Variants in CHSY3 observed in about 807,000 individuals in gnomAD.
The protein encoded by CHSY3 is chondroitin sulfate synthase 3.
In CHSY3, 35 loss-of-function variants were observed where a neutral mutation model predicts 67.2. That is an observed-to-expected ratio of 0.52 (90% CI 0.40 to 0.69). The LOEUF is 0.69. Ranked by LOEUF, CHSY3 falls within the 30% of genes least tolerant of loss-of-function variation. CHSY3 has a pLI of 0.00. For synonymous variants in CHSY3, 474 were observed against 434.7 expected (o/e 1.09, Z -1.12); for missense variants, 1,069 against 1,138.5 (o/e 0.94, Z 0.88).
At chr5:130,170,852 C>T (rs1274470203) in intron 2 of CHSY3, among the ~76,000 whole-genome samples, 3 of 150,814 alleles carry the variant, frequency 2.0e-5, no homozygotes, top group African/African-American at 4.9e-5. Flanking sequence ...CTTGTTGAGT[C>T]GTTTGAGTAA....
chr5:129,960,381 G>A (rs1762296547), intron 2 of CHSY3, among the ~76,000 whole-genome samples: 1 of 152,012 alleles, frequency 6.6e-6, no homozygotes, highest in Non-Finnish European at 1.5e-5. Context: ...TGGTCATTGA[G>A]GTTGGGATTT....
At chr5:129,951,670 A>G (rs1762027807) in intron 2 of CHSY3, among the ~76,000 whole-genome samples, 1 of 152,152 alleles carries the variant, frequency 6.6e-6, no homozygotes, top group Non-Finnish European at 1.5e-5. Context: ...ATCTCCACCC[A>G]TTGTCTCTCC....
Position 129,905,101 on chromosome 5 carries a change from C to G in CHSY3, c.272C>G (p.Ala91Gly). 6.5e-7 allele frequency: 1 copy of G among 1,541,184 alleles called. No individual in the cohort carries two copies. The highest frequency in any genetic ancestry group is 8.7e-7 in the Non-Finnish European group (1 of 1,149,552). Residue 91 changes from alanine to glycine, a missense_variant, in exon 1 of 3, where the codon GCA becomes GGA. Ala to Gly is a moderately conservative substitution (Grantham distance 60). Coordinates refer to ENST00000305031, the MANE Select transcript of CHSY3 (RefSeq NM_175856.5). ...CTCCAGGGGCCACCGCTGCCCGAGGCAGCACCCGGGATCACCAGTTTTCGA... is the reference window on the plus strand; with the variant it reads ...CTCCAGGGGCCACCGCTGCCCGAGGGAGCACCCGGGATCACCAGTTTTCGA... ...QDLQGPPLPEAAPGITSFRSS... is the reference protein window; with the variant it reads ...QDLQGPPLPEGAPGITSFRSS...
intron 2 of CHSY3, among the ~76,000 whole-genome samples, chr5:130,112,085 G>T (rs2190816): frequency 0.056 from 8,534 of 152,112 alleles, 352 homozygotes; most frequent in Non-Finnish European, 0.083. Flanking sequence ...TCAGACTGTG[G>T]TTCCCAAGTC....
intron 2 of CHSY3, among the ~76,000 whole-genome samples, chr5:130,127,173 G>C (rs1210050231): frequency 1.3e-5 from 2 of 152,136 alleles, no homozygotes; most frequent in Admixed American, 6.5e-5. Flanking sequence ...ACATGACTTA[G>C]TGTAGATCAT....
In CHSY3 at chr5:130,013,053, G is replaced by A. The variant is rs945088764; in HGVS notation, c.1086+104693G>A. Reference sequence around the variant, plus strand: ...TAGAGAAATTGGCAAAAACAAAGGGGCTACTGGACCCATGCAAGTCTGAAA... The same window carrying A: ...TAGAGAAATTGGCAAAAACAAAGGGACTACTGGACCCATGCAAGTCTGAAA... On this transcript the variant is annotated intron_variant, in intron 2 of 2. Transcript: ENST00000305031. Among the ~76,000 whole-genome samples the A allele has an allele frequency of 4.6e-5, 7 of 152,008 alleles. No individual in the cohort carries two copies. In the East Asian group the frequency reaches 7.7e-4, roughly 17 times the overall value.
rs768475231 is a variant in CHSY3 at position 130,126,198 on chromosome 5, T to A, written c.1087-58031T>A. On this transcript the variant is annotated intron_variant, in intron 2 of 2. Transcript: ENST00000305031. ...ACACATGGTCGGTACTTGATAAGTATGTGTGTATTGATTTCCTGCCGAATG... is the reference window on the plus strand; with the variant it reads ...ACACATGGTCGGTACTTGATAAGTAAGTGTGTATTGATTTCCTGCCGAATG... 3.3e-5 allele frequency among the ~76,000 whole-genome samples: 5 copies of A among 152,048 alleles called. No homozygotes were observed. The South Asian group carries it at 8.3e-4, about 25-fold the overall frequency.
chr5:130,132,387 A>T (rs77738333), intron 2 of CHSY3, among the ~76,000 whole-genome samples: 6,887 of 152,314 alleles, frequency 0.045, 428 homozygotes, highest in East Asian at 0.27. Context: ...TGAACAAGTT[A>T]AACGTGATCA....
At chr5:130,165,092 TA>T (rs1214321500) in intron 2 of CHSY3, among the ~76,000 whole-genome samples, 5 of 152,198 alleles carry the variant, frequency 3.3e-5, no homozygotes, top group Admixed American at 6.6e-5. Flanking sequence ...TACAGTCATC[TA>T]TTCCATGGTC....
chr5:130,051,229 A>G lies in CHSY3; in HGVS notation c.1087-133000A>G, dbSNP rs997814027. Reference sequence around the variant, plus strand: ...GGAAACGTCATATTATGTTGTGTGCAATTCTATATTGCTTGGATTTGTTTT... The same window carrying G: ...GGAAACGTCATATTATGTTGTGTGCGATTCTATATTGCTTGGATTTGTTTT... On this transcript the variant is annotated intron_variant, in intron 2 of 2. Transcript: ENST00000305031. Among the ~76,000 whole-genome samples, 3 of 152,098 alleles carry G rather than the reference A, an allele frequency of 2.0e-5. No individual in the cohort carries two copies. The South Asian group carries it at 6.2e-4, about 32-fold the overall frequency.
At chr5:129,985,927 G>A (rs1254609227) in intron 2 of CHSY3, among the ~76,000 whole-genome samples, 5 of 152,120 alleles carry the variant, frequency 3.3e-5, no homozygotes, top group Admixed American at 3.3e-4. Flanking sequence ...TTTGGGGAGA[G>A]ACTGTGGGAT....
At chr5:130,164,570 T>G (rs1769673228) in intron 2 of CHSY3, among the ~76,000 whole-genome samples, 1 of 152,156 alleles carries the variant, frequency 6.6e-6, no homozygotes. Flanking sequence ...AAGACCAGAT[T>G]TATTCTGGTT....
chr5:130,016,638 G>C (rs1764228061), intron 2 of CHSY3, among the ~76,000 whole-genome samples: 1 of 152,220 alleles, frequency 6.6e-6, no homozygotes, highest in Non-Finnish European at 1.5e-5. Flanking sequence ...TCGAACTCCT[G>C]ACCTCAGGTG....
At chr5:130,171,394 C>T (rs988333731) in intron 2 of CHSY3, among the ~76,000 whole-genome samples, 1 of 152,016 alleles carries the variant, frequency 6.6e-6, no homozygotes, top group Non-Finnish European at 1.5e-5. Flanking sequence ...TTTAAACTAA[C>T]AAATGATTAT....
intron 2 of CHSY3, among the ~76,000 whole-genome samples, chr5:130,017,862 T>G (rs1475780162): frequency 2.0e-5 from 3 of 152,112 alleles, no homozygotes; most frequent in Non-Finnish European, 4.4e-5. Context: ...CAGCTTTGTT[T>G]GCATTTTCTT....
At chr5:129,911,510 G>A (rs1760547050) in intron 2 of CHSY3, among the ~76,000 whole-genome samples, 1 of 152,112 alleles carries the variant, frequency 6.6e-6, no homozygotes, top group Non-Finnish European at 1.5e-5. Flanking sequence ...CCTTAATGTA[G>A]TGTCTGTCAC....
intron 2 of CHSY3, among the ~76,000 whole-genome samples, chr5:130,025,032 G>T (rs1764500808): frequency 6.6e-6 from 1 of 152,094 alleles, no homozygotes; most frequent in Non-Finnish European, 1.5e-5. Flanking sequence ...AGGTTATATA[G>T]TGGAAAATAG....
In CHSY3 at chr5:130,091,111, A is replaced by AACACACAC. The variant is rs143104865; in HGVS notation, c.1087-93101_1087-93094dup. Among the ~76,000 whole-genome samples the AACACACAC allele has an allele frequency of 9.4e-3, 1,398 of 148,814 alleles. 8 individuals carry two copies. The highest frequency in any genetic ancestry group is 0.027 in the South Asian group (128 of 4,684). On this transcript the variant is annotated intron_variant, in intron 2 of 2. Coordinates refer to ENST00000305031, the MANE Select transcript of CHSY3 (RefSeq NM_175856.5). ...GTCTGCTGTTTCTGAACTTAAACGCAACACACACACACACACACACACACG... is the reference window on the plus strand; with the variant it reads ...GTCTGCTGTTTCTGAACTTAAACGCAACACACACACACACACACACACACACACACACG...
intron 2 of CHSY3, among the ~76,000 whole-genome samples, chr5:130,179,854 G>A (rs532158357): frequency 6.6e-6 from 1 of 152,210 alleles, no homozygotes; most frequent in Admixed American, 6.5e-5. Flanking sequence ...TTTGGTAGGA[G>A]TGTTTGCTAT....
Sources: gnomAD v4.1 joint callset for allele counts (sites outside exome capture counted in the v4.1 genomes callset) on GRCh38, gnomAD v4.1.1 for gene constraint, MANE v1.5 for transcripts, NCBI Gene and HGNC (gene_info 2026-07-23, HGNC 2026-07-21) for gene names.